Variants in CALD1 observed in about 807,000 individuals in gnomAD.
CALD1 encodes caldesmon.
In CALD1, 33 loss-of-function variants were observed where a neutral mutation model predicts 99.9. That is an observed-to-expected ratio of 0.33 (90% CI 0.25 to 0.44). The LOEUF is 0.44. CALD1 is among the 20% of genes least tolerant of loss of function. The probability of loss-of-function intolerance (pLI) is 1.00; values close to 1 mark genes in which losing one functional copy is unlikely to be tolerated. For missense variants in CALD1, 861 were observed against 962.1 expected (o/e 0.89, Z 1.39); for synonymous variants, 310 against 325.0 (o/e 0.95, Z 0.50).
At chr7:134,863,925 GAA>G (rs889282282) in intron 2 of CALD1, among the ~76,000 whole-genome samples, 9 of 151,850 alleles carry the variant, frequency 5.9e-5, no homozygotes, top group African/African-American at 2.2e-4. Context: ...AAGAGGCAGA[GAA>G]AAAAAAGCAA....
chr7:134,753,021 AAC>A (rs200191670), intron 1 of CALD1, among the ~76,000 whole-genome samples: 8 of 99,162 alleles, frequency 8.1e-5, no homozygotes, highest in African/African-American at 4.0e-4. Flanking sequence ...AAAAAAAAAA[AAC>A]AAAAAAAAAC....
At chr7:134,886,053 T>C (rs1801837264) in intron 3 of CALD1, among the ~76,000 whole-genome samples, 1 of 152,224 alleles carries the variant, frequency 6.6e-6, no homozygotes. Context: ...TCCAGTTGTT[T>C]AAAAAACCCT....
intron 8 of CALD1, 81 bp from the exon 9 acceptor site, chr7:134,950,293 T>C: frequency 2.8e-6 from 4 of 1,411,390 alleles, no homozygotes; most frequent in Non-Finnish European, 3.0e-6. Context: ...CCTCTCCAAC[T>C]GTGCTCTCTC....
At chr7:134,755,649 A>G (rs6958004) in intron 1 of CALD1, among the ~76,000 whole-genome samples, 8,485 of 152,304 alleles carry the variant, frequency 0.056, 742 homozygotes, top group African/African-American at 0.18. Context: ...CTGCACAGCC[A>G]TAACTGGCAG....
At chr7:134,765,611 G>A (rs1207965888) in intron 1 of CALD1, among the ~76,000 whole-genome samples, 2 of 152,168 alleles carry the variant, frequency 1.3e-5, no homozygotes, top group Admixed American at 6.5e-5. Context: ...TGTATTCCCA[G>A]GTGATATCGT....
intron 1 of CALD1, among the ~76,000 whole-genome samples, chr7:134,799,038 G>C (rs1224860196): frequency 2.6e-5 from 4 of 152,170 alleles, no homozygotes. Context: ...TCTAGATGTA[G>C]TTCAAATACT....
intron 2 of CALD1, among the ~76,000 whole-genome samples, chr7:134,858,634 A>G (rs1386893832): frequency 6.6e-6 from 1 of 151,858 alleles, no homozygotes; most frequent in African/African-American, 2.4e-5. Context: ...CGGTGGCATG[A>G]TCTCGGCTCA....
At chr7:134,758,046 G>A (rs1796744576) in intron 1 of CALD1, among the ~76,000 whole-genome samples, 1 of 152,140 alleles carries the variant, frequency 6.6e-6, no homozygotes, top group South Asian at 2.1e-4. Context: ...CTGAGCACAG[G>A]GACTCTGTTC....
intron 3 of CALD1, chr7:134,920,751 C>A (rs982352510): frequency 9.6e-7 from 1 of 1,045,672 alleles, no homozygotes; most frequent in Non-Finnish European, 1.3e-6. Context: ...AAATGGTGAA[C>A]TTCAATAGCA....
intron 9 of CALD1, among the ~76,000 whole-genome samples, chr7:134,954,816 T>C (rs909525293): frequency 2.0e-5 from 3 of 152,204 alleles, no homozygotes; most frequent in Non-Finnish European, 2.9e-5. Context: ...CTCCAAATCT[T>C]TGTACATGTG....
intron 1 of CALD1, among the ~76,000 whole-genome samples, chr7:134,789,986 T>C (rs1340379628): frequency 6.6e-6 from 1 of 151,006 alleles, no homozygotes; most frequent in Non-Finnish European, 1.5e-5. Context: ...GTATTATTCC[T>C]GAGATTGGGT....
At chr7:134,833,570 C>CA (rs1799315131) in intron 1 of CALD1, among the ~76,000 whole-genome samples, 1 of 152,138 alleles carries the variant, frequency 6.6e-6, no homozygotes, top group Non-Finnish European at 1.5e-5. Context: ...GGAAGAAGGG[C>CA]ACTGGAGAAT....
intron 9 of CALD1, among the ~76,000 whole-genome samples, chr7:134,950,817 G>A (rs924020144): frequency 1.4e-4 from 22 of 152,148 alleles, no homozygotes; most frequent in Admixed American, 9.8e-4. Flanking sequence ...CTAGCCGGAC[G>A]TGGTGGCACA....
chr7:134,791,390 G>T (rs930106552), intron 1 of CALD1, among the ~76,000 whole-genome samples: 1 of 152,118 alleles, frequency 6.6e-6, no homozygotes, highest in Non-Finnish European at 1.5e-5. Flanking sequence ...TAGAGACGGG[G>T]TTTCACTATG....
In CALD1 at chr7:134,831,228, G is replaced by GA. The variant is rs570134523; in HGVS notation, c.-129-12648dup. Among the ~76,000 whole-genome samples, 323 of 151,526 alleles carry GA rather than the reference G, an allele frequency of 2.1e-3. 4 individuals are homozygous for GA. The highest frequency in any genetic ancestry group is 7.5e-3 in the African/African-American group (310 of 41,394). On this transcript the variant is annotated intron_variant, in intron 1 of 14. Transcript: ENST00000361675. ...TTTAAAATAGAATCTTACCTTTGTT[G>GA]AAAAAAAAGACTGGAAGGAAATATA...
intron 9 of CALD1, among the ~76,000 whole-genome samples, chr7:134,956,626 T>C (rs534194922): frequency 6.6e-6 from 1 of 152,228 alleles, no homozygotes; most frequent in Non-Finnish European, 1.5e-5. Context: ...GAAATGTTTG[T>C]TGTTTTAAGG....
intron 1 of CALD1, among the ~76,000 whole-genome samples, chr7:134,822,788 A>G (rs1261878968): frequency 6.6e-6 from 1 of 152,136 alleles, no homozygotes; most frequent in Non-Finnish European, 1.5e-5. Context: ...GTTTTCATTC[A>G]TTGCATTTTT....
At chr7:134,741,672 C>A (rs1402984852), upstream of CALD1, among the ~76,000 whole-genome samples, 1 of 152,144 alleles carries the variant, frequency 6.6e-6, no homozygotes, top group East Asian at 1.9e-4. Flanking sequence ...CACACCTGGG[C>A]ACCAATGCTA....
At chr7:134,880,283 C>T (rs1801536490) in intron 3 of CALD1, among the ~76,000 whole-genome samples, 1 of 152,194 alleles carries the variant, frequency 6.6e-6, no homozygotes, top group Non-Finnish European at 1.5e-5. Context: ...TCCTTTATTT[C>T]TGGAGCTAGT....
Sources: allele counts gnomAD v4.1 joint callset (sites outside exome capture counted in the v4.1 genomes callset), GRCh38; gene constraint gnomAD v4.1.1; transcripts MANE v1.5; gene names NCBI Gene and HGNC (gene_info 2026-07-23, HGNC 2026-07-21).